USP30: variants seen among roughly 807,000 people sequenced by gnomAD.
USP30 encodes ubiquitin specific peptidase 30.
A neutral mutation model predicts 68.2 loss-of-function variants in USP30; 41 were observed. The ratio of observed to expected loss-of-function variants is 0.60; its 90% CI spans 0.47 to 0.78. The LOEUF (loss-of-function observed/expected upper bound fraction) is 0.78, where lower values mean the gene tolerates loss of function less well. USP30 is among the 30% of genes least tolerant of loss of function. USP30 has a pLI of 0.00. For synonymous variants in USP30, 229 were observed against 253.7 expected (o/e 0.90, Z 0.93); for missense variants, 522 against 649.4 (o/e 0.80, Z 2.13).
In USP30 at chr12:109,084,955, C is replaced by T; in HGVS notation, c.1171C>T (p.Leu391=). Residue 391 remains leucine (L), a splice_region_variant and synonymous_variant, in exon 12 of 13, where the codon CTG becomes TTG. Coordinates refer to ENST00000257548, the MANE Select transcript of USP30 (RefSeq NM_032663.5). ...ACTCGGGCCTTTTTCTCTTGCAGTT[C>T]TGAATCAGCCAGGGGCCCCCAAAAC... The part of the protein sequence containing the change: ...QDGPGAPTPV[L]NQPGAPKTQI... 6.3e-7 allele frequency: 1 copy of T among 1,590,308 alleles called. No homozygotes were observed. The highest frequency in any genetic ancestry group is 1.1e-5 in the South Asian group (1 of 88,002).
At chr12:109,046,528 C>T (rs1287830231) in intron 3 of USP30, among the ~76,000 whole-genome samples, 1 of 151,926 alleles carries the variant, frequency 6.6e-6, no homozygotes, top group Non-Finnish European at 1.5e-5. Flanking sequence ...ATGTTAATCT[C>T]ATCCAAAAAC....
At chr12:109,077,422 A>G (rs1216727920) in intron 7 of USP30, among the ~76,000 whole-genome samples, 3 of 152,204 alleles carry the variant, frequency 2.0e-5, no homozygotes, top group African/African-American at 7.2e-5. Context: ...TCATCTTGTC[A>G]TGATAAATTG....
intron 2 of USP30, among the ~76,000 whole-genome samples, chr12:109,057,561 A>G (rs2040916338): frequency 6.6e-6 from 1 of 152,348 alleles, no homozygotes. Flanking sequence ...TCTGAGAAAC[A>G]TTGCTTTCTG....
intron 3 of USP30, among the ~76,000 whole-genome samples, chr12:109,059,198 T>G (rs1234128173): frequency 6.6e-6 from 1 of 152,184 alleles, no homozygotes; most frequent in Non-Finnish European, 1.5e-5. Flanking sequence ...AACTTTTTTT[T>G]GTTTTTGTTT....
chr12:109,081,354 C>T lies in USP30; in HGVS notation c.741C>T (p.Thr247=). 6.2e-7 allele frequency: 1 copy of T among 1,614,076 alleles called. No homozygotes were observed. Among genetic ancestry groups the T allele is most frequent in the East Asian group, 2.2e-5 (1 of 44,868 alleles). ...TTCAGAGTCCTGTTCGATTTGATAC[C>T]TTTGATAGCCTTTCACTAAGTATTC... ...CEHQSPVRFD[T]FDSLSLSIPA... Residue 247 remains threonine, a synonymous_variant, in exon 8 of 13, where the codon ACC becomes ACT. Coordinates refer to ENST00000257548, the MANE Select transcript of USP30 (RefSeq NM_032663.5).
At chr12:109,052,564 G>A, upstream of USP30, 1 of 1,076,090 alleles carries the variant, frequency 9.3e-7, no homozygotes, top group South Asian at 1.9e-5. Flanking sequence ...GTTCCCCCGA[G>A]GTGCTGGGAC....
intron 9 of USP30, 78 bp downstream of exon 9, chr12:109,082,097 A>T (rs368340022): frequency 1.4e-6 from 2 of 1,474,918 alleles, no homozygotes; most frequent in East Asian, 2.3e-5. Flanking sequence ...AGTGACCCTG[A>T]GCTCTTCTGA....
chr12:109,083,770 C>T (rs1262960719), intron 11 of USP30, among the ~76,000 whole-genome samples: 3 of 152,156 alleles, frequency 2.0e-5, no homozygotes, highest in African/African-American at 7.2e-5. Context: ...CTGCTGCCCC[C>T]AGTTAGGTCA....
intron 3 of USP30, among the ~76,000 whole-genome samples, chr12:109,039,079 A>C (rs1235140611): frequency 6.6e-6 from 1 of 152,158 alleles, no homozygotes; most frequent in African/African-American, 2.4e-5. Context: ...GTTTTTTGAA[A>C]AGAAAAATTT....
At chr12:109,030,589 G>GAC (rs1284511047) in intron 3 of USP30, among the ~76,000 whole-genome samples, 1 of 152,116 alleles carries the variant, frequency 6.6e-6, no homozygotes, top group African/African-American at 2.4e-5. Flanking sequence ...GTTTTCACCA[G>GAC]ACACACACAC....
chr12:109,043,319 T>C (rs1252798900), intron 3 of USP30, among the ~76,000 whole-genome samples: 1 of 152,162 alleles, frequency 6.6e-6, no homozygotes, highest in Non-Finnish European at 1.5e-5. Flanking sequence ...GCTGAAGGAC[T>C]CACTCTTTCT....
At chr12:109,039,660 T>C (rs575568721) in intron 3 of USP30, among the ~76,000 whole-genome samples, 1 of 152,156 alleles carries the variant, frequency 6.6e-6, no homozygotes, top group African/African-American at 2.4e-5. Flanking sequence ...CACCAGGCTG[T>C]AGTTCAGTGG....
chr12:109,024,484 G>A (rs1028601188), intron 1 of USP30, among the ~76,000 whole-genome samples: 1 of 151,822 alleles, frequency 6.6e-6, no homozygotes, highest in African/African-American at 2.4e-5. Flanking sequence ...CCTCAAACTC[G>A]TGAGCTCAAG....
At chr12:109,032,813 C>A (rs1447058607) in intron 3 of USP30, among the ~76,000 whole-genome samples, 1 of 152,190 alleles carries the variant, frequency 6.6e-6, no homozygotes, top group Non-Finnish European at 1.5e-5. Flanking sequence ...TCCAGCCCAC[C>A]ACATTATCCA....
chr12:109,052,671 C>A lies in USP30; in HGVS notation c.-8C>A. ...AGGAGACGGTTTCAGGCCTCCGGTG[C>A]GGCTGCAATGCTGAGCTCCCGGGCC... On this transcript the variant is annotated 5_prime_UTR_variant, in exon 1 of 13. Coordinates refer to ENST00000257548, the MANE Select transcript of USP30 (RefSeq NM_032663.5). 9 of 1,504,166 alleles carry A rather than the reference C, an allele frequency of 6.0e-6. No homozygotes were observed. Among genetic ancestry groups the A allele is most frequent in the Non-Finnish European group, 7.9e-6 (9 of 1,132,388 alleles). The allele number at this position is 1,504,166 out of a possible 1,614,324, so 93.2% of individuals were successfully genotyped here.
At chr12:109,067,308 G>A (rs1322929877) in intron 3 of USP30, among the ~76,000 whole-genome samples, 2 of 151,368 alleles carry the variant, frequency 1.3e-5, no homozygotes, top group South Asian at 2.1e-4. Flanking sequence ...TAGTGGAGAC[G>A]GAGTTTCACC....
chr12:109,025,456 A>G (rs2040438380), intron 2 of USP30, among the ~76,000 whole-genome samples: 1 of 152,100 alleles, frequency 6.6e-6, no homozygotes, highest in African/African-American at 2.4e-5. Flanking sequence ...CCCCAAATCA[A>G]TATCTTTTCT....
chr12:109,063,743 T>A (rs2041154172), intron 3 of USP30, among the ~76,000 whole-genome samples: 1 of 152,226 alleles, frequency 6.6e-6, no homozygotes, highest in African/African-American at 2.4e-5. Context: ...CCTAATGGTA[T>A]GGTAATTGCT....
At chr12:109,023,739 T>A (rs960894196) in intron 1 of USP30, among the ~76,000 whole-genome samples, 2 of 142,954 alleles carry the variant, frequency 1.4e-5, no homozygotes, top group Non-Finnish European at 3.0e-5. Context: ...ATTCAAGCAA[T>A]TCTCTGCCTC....
Sources: allele counts gnomAD v4.1 joint callset (sites outside exome capture counted in the v4.1 genomes callset), GRCh38; gene constraint gnomAD v4.1.1; transcripts MANE v1.5; gene names NCBI Gene and HGNC (gene_info 2026-07-23, HGNC 2026-07-21).